Variants in MEF2A observed in about 807,000 individuals in gnomAD.
The protein encoded by MEF2A is myocyte enhancer factor 2A, also known as myocyte-specific enhancer factor 2A.
MEF2A carries 28 observed loss-of-function variants against 55.8 expected under a neutral mutation model. The observed-to-expected ratio is 0.50, with a 90% CI of 0.37 to 0.69. The LOEUF (loss-of-function observed/expected upper bound fraction) is 0.69. Among genes scored for constraint, MEF2A ranks in the 30% least tolerant of loss-of-function variants. The probability of loss-of-function intolerance (pLI) is 0.00; values close to 1 mark genes in which losing one functional copy is unlikely to be tolerated. For synonymous variants in MEF2A, 239 were observed against 227.1 expected, an observed-to-expected ratio of 1.05 and a Z score of -0.47; for missense variants, 528 against 626.2, an observed-to-expected ratio of 0.84 and a Z score of 1.67.
chr15:99,612,683 T>TA (rs2153215689), intron 2 of MEF2A, among the ~76,000 whole-genome samples: 1 of 152,152 alleles, frequency 6.6e-6, no homozygotes, highest in Non-Finnish European at 1.5e-5. Context: ...CCAATCTGGG[T>TA]AACTGAGTGG....
At chr15:99,619,105 G>C (rs111959137) in intron 2 of MEF2A, among the ~76,000 whole-genome samples, 2 of 152,198 alleles carry the variant, frequency 1.3e-5, no homozygotes, top group Admixed American at 6.5e-5. Flanking sequence ...CTGTGAGAGC[G>C]GTGGTGGATT....
chr15:99,703,605 A>G (rs1164096829), intron 9 of MEF2A, among the ~76,000 whole-genome samples: 1 of 152,200 alleles, frequency 6.6e-6, no homozygotes, highest in Non-Finnish European at 1.5e-5. Context: ...GAACATTGGA[A>G]TAGAGCCTTT....
intron 1 of MEF2A, among the ~76,000 whole-genome samples, chr15:99,577,204 C>T (rs1326553565): frequency 6.6e-6 from 1 of 152,182 alleles, no homozygotes; most frequent in Non-Finnish European, 1.5e-5. Context: ...TGCTATAAAG[C>T]ATAGTGGAAG....
intron 1 of MEF2A, among the ~76,000 whole-genome samples, chr15:99,573,148 C>T (rs1596202271): frequency 6.6e-6 from 1 of 152,084 alleles, no homozygotes; most frequent in Non-Finnish European, 1.5e-5. Flanking sequence ...ATTAGCCGGG[C>T]GTGGTGGTGG....
chr15:99,568,831 C>T (rs1438937967), intron 1 of MEF2A, among the ~76,000 whole-genome samples: 1 of 152,170 alleles, frequency 6.6e-6, no homozygotes, highest in Non-Finnish European at 1.5e-5. Context: ...ACCCCGGTTA[C>T]TCATGGTACA....
At chr15:99,645,860 A>T in intron 4 of MEF2A, 96 bp downstream of exon 4, 4 of 850,236 alleles carry the variant, frequency 4.7e-6, no homozygotes, top group Non-Finnish European at 7.2e-6. Context: ...TCTAAAACAT[A>T]AATTAGGTGT....
At chr15:99,583,550 A>G (rs1266803707) in intron 1 of MEF2A, among the ~76,000 whole-genome samples, 1 of 152,072 alleles carries the variant, frequency 6.6e-6, no homozygotes, top group African/African-American at 2.4e-5. Flanking sequence ...TGTAAAAGTG[A>G]TGGATTCCAG....
chr15:99,607,824 T>G (rs1975694734), intron 2 of MEF2A, among the ~76,000 whole-genome samples: 2 of 152,186 alleles, frequency 1.3e-5, no homozygotes. Context: ...ATGGAGGGGC[T>G]CTCCTCTTAA....
At position 99,633,027 on chromosome 15, in the gene MEF2A, C is replaced by A; in HGVS notation, c.-93C>A. 1 of 1,021,128 alleles carries A rather than the reference C, an allele frequency of 9.8e-7. No individual in the cohort carries two copies. Among genetic ancestry groups the A allele is most frequent in the Non-Finnish European group, 1.4e-6 (1 of 690,840 alleles). The allele number at this position is 1,021,128 out of a possible 1,614,324, so 63.3% of individuals were successfully genotyped here. On this transcript the variant is annotated 5_prime_UTR_variant, in exon 3 of 12. Transcript: ENST00000557942. Reference sequence around the variant, plus strand: ...GCCCTTGGACTAGAAGCTGAAATAACAGAAGCTGTGTACGATGCATTAGGG... The same window carrying A: ...GCCCTTGGACTAGAAGCTGAAATAAAAGAAGCTGTGTACGATGCATTAGGG...
At chr15:99,572,717 C>T (rs1962846246) in intron 1 of MEF2A, among the ~76,000 whole-genome samples, 1 of 152,204 alleles carries the variant, frequency 6.6e-6, no homozygotes, top group Admixed American at 6.5e-5. Context: ...GCTCAGATGT[C>T]ATCTGTGATA....
intron 1 of MEF2A, among the ~76,000 whole-genome samples, chr15:99,590,666 GTT>G (rs1395419810): frequency 6.6e-6 from 1 of 151,196 alleles, no homozygotes; most frequent in Non-Finnish European, 1.5e-5. Flanking sequence ...GTATTTGGTA[GTT>G]GCCGTAGGGT....
rs756802532 is a variant in MEF2A, at chr15:99,712,051, G to A, written c.1137-339G>A. ...GAGCAGATGCTGAGGAAGAAGAGGC[G>A]GTGAGCAGATGAGGCTGCTGTTCCT... On this transcript the variant is annotated intron_variant, in intron 11 of 11. Transcript: ENST00000557942. This position sits in a 1 kb window ranked among gnomAD's most constrained non-coding sequence, Gnocchi z 4.1. Among the ~76,000 whole-genome samples, 26 of 152,228 alleles carry A rather than the reference G, an allele frequency of 1.7e-4. No homozygotes were observed. Among genetic ancestry groups the A allele is most frequent in the Non-Finnish European group, 2.2e-4 (15 of 68,042 alleles).
At chr15:99,646,274 C>A (rs1343183475) in intron 4 of MEF2A, among the ~76,000 whole-genome samples, 2 of 152,030 alleles carry the variant, frequency 1.3e-5, no homozygotes, top group African/African-American at 4.8e-5. Flanking sequence ...CATAGTTCTC[C>A]CAACCTAATT....
chr15:99,571,947 C>T (rs547869834), intron 1 of MEF2A, among the ~76,000 whole-genome samples: 1 of 151,854 alleles, frequency 6.6e-6, no homozygotes, highest in African/African-American at 2.4e-5. Flanking sequence ...AGCCATCATT[C>T]TCTTGCATGA....
chr15:99,650,221 A>G (rs959813587), intron 4 of MEF2A, among the ~76,000 whole-genome samples: 5 of 152,232 alleles, frequency 3.3e-5, no homozygotes, highest in Non-Finnish European at 4.4e-5. Flanking sequence ...GCCCAGAGTC[A>G]TGTAGCAATG....
At chr15:99,668,268 C>T (rs1268396297) in intron 4 of MEF2A, among the ~76,000 whole-genome samples, 3 of 152,068 alleles carry the variant, frequency 2.0e-5, no homozygotes, top group African/African-American at 7.2e-5. Context: ...TAGTTTGGAA[C>T]ATGTATAGAA....
rs564119003 is a variant in MEF2A, at chr15:99,628,856, G to A, written c.-142-4122G>A. ...TTTGTGCATATCCAAGCTGTATATA[G>A]GGTTCTTTTTTCTTTATACTTGAAA... On this transcript the variant is annotated intron_variant, in intron 2 of 11. Transcript: ENST00000557942. Among the ~76,000 whole-genome samples the A allele has an allele frequency of 2.6e-5, 4 of 151,970 alleles. No homozygotes were observed. In the South Asian group the frequency reaches 8.3e-4, roughly 32 times the overall value.
chr15:99,657,470 C>G (rs1480247404), intron 4 of MEF2A: 4 of 151,668 alleles, frequency 2.6e-5, no homozygotes, highest in African/African-American at 9.7e-5. Flanking sequence ...ACTGTAAAAA[C>G]AGAACAAAAA....
At chr15:99,565,633 C>T (rs1427958559), upstream of MEF2A, 1 of 152,342 alleles carries the variant, frequency 6.6e-6, no homozygotes, top group Non-Finnish European at 1.5e-5. Context: ...ACCCGCGGCC[C>T]CGGCGCCAAG....
Sources: allele counts gnomAD v4.1 joint callset (sites outside exome capture counted in the v4.1 genomes callset), GRCh38; gene constraint gnomAD v4.1.1; non-coding constraint Gnocchi (gnomAD v3.1); transcripts MANE v1.5; gene names NCBI Gene and HGNC (gene_info 2026-07-23, HGNC 2026-07-21).